The following MEI4 variants were observed in gnomAD, a reference collection of about 807,000 sequenced individuals.
MEI4 encodes meiotic double-stranded break formation protein 4, also known as meiosis-specific protein MEI4.
A neutral mutation model predicts 31.4 loss-of-function variants in MEI4; 27 were observed. The observed-to-expected ratio is 0.86, with a 90% CI of 0.63 to 1.19. The LOEUF (loss-of-function observed/expected upper bound fraction) is 1.19. Ranked by LOEUF, MEI4 falls within the 50% of genes most tolerant of loss-of-function variation. The pLI, the probability that MEI4 is intolerant of heterozygous loss-of-function variation, is 0.00. For synonymous variants in MEI4, 122 were observed against 145.4 expected, an observed-to-expected ratio of 0.84 and a Z score of 1.16; for missense variants, 329 against 398.9, an observed-to-expected ratio of 0.82 and a Z score of 1.49.
intron 4 of MEI4, among the ~76,000 whole-genome samples, chr6:77,852,229 C>T (rs1285262372): frequency 6.6e-6 from 1 of 152,082 alleles, no homozygotes; most frequent in Non-Finnish European, 1.5e-5. Flanking sequence ...ACGAACAAAG[C>T]AAGCAACAGC....
chr6:77,858,539 A>G (rs562556556), intron 4 of MEI4, among the ~76,000 whole-genome samples: 3 of 152,254 alleles, frequency 2.0e-5, no homozygotes, highest in East Asian at 3.9e-4. Flanking sequence ...TGATCCTGCT[A>G]TATCAGATTT....
At chr6:77,883,244 G>T (rs971289815) in intron 4 of MEI4, among the ~76,000 whole-genome samples, 1 of 151,984 alleles carries the variant, frequency 6.6e-6, no homozygotes, top group East Asian at 1.9e-4. Flanking sequence ...GATCTGTAAT[G>T]ATCAAATCAA....
chr6:77,772,256 C>CAAAA lies in MEI4; in HGVS notation c.768+10602_768+10605dup, dbSNP rs58119358. Among the ~76,000 whole-genome samples the CAAAA allele has an allele frequency of 1.3e-3, 184 of 140,380 alleles. 1 individual carries two copies. The highest frequency in any genetic ancestry group is 4.2e-3 in the African/African-American group (163 of 39,154). 92.1% of individuals were successfully genotyped at this position (140,380 alleles called of 152,430 possible). ...AAAGCAAAACCAGACAAAGACACATCAAAAAAAAAAAAAAGAAAACTACAG... is the reference window on the plus strand; with the variant it reads ...AAAGCAAAACCAGACAAAGACACATCAAAAAAAAAAAAAAAAAAGAAAACTACAG... On this transcript the variant is annotated intron_variant, in intron 3 of 4. Coordinates refer to ENST00000684080, the MANE Select transcript of MEI4 (RefSeq NM_001322247.2).
chr6:77,868,715 A>G (rs1331344815), intron 4 of MEI4, among the ~76,000 whole-genome samples: 2 of 151,694 alleles, frequency 1.3e-5, no homozygotes, highest in Non-Finnish European at 2.9e-5. Context: ...TATTTTCCTC[A>G]GAGTTTAAAA....
In MEI4 at chr6:77,712,841, G is replaced by T. The variant is rs971882716; in HGVS notation, c.232+21938G>T. Among the ~76,000 whole-genome samples, 10 of 152,024 alleles carry T rather than the reference G, an allele frequency of 6.6e-5. No homozygotes were observed. The South Asian group carries it at 8.4e-4, about 13-fold the overall frequency. ...AAAAAACTAGCCGGGTGTGGTGGTG[G>T]GCGCCTGTAGTCCCAGCTACTTGGG... On this transcript the variant is annotated intron_variant, in intron 2 of 4. Coordinates refer to ENST00000684080, the MANE Select transcript of MEI4 (RefSeq NM_001322247.2).
At chr6:77,693,293 A>T (rs973182680) in intron 2 of MEI4, among the ~76,000 whole-genome samples, 1 of 152,058 alleles carries the variant, frequency 6.6e-6, no homozygotes, top group Non-Finnish European at 1.5e-5. Flanking sequence ...CTGTATAGTT[A>T]TACAATTAAT....
chr6:77,890,761 T>C (rs1185703322), intron 4 of MEI4, among the ~76,000 whole-genome samples: 1 of 152,078 alleles, frequency 6.6e-6, no homozygotes, highest in East Asian at 1.9e-4. Context: ...CAGTGGGAGG[T>C]AATTGAATCA....
rs1228217372 is a variant in MEI4 at position 77,820,083 on chromosome 6, G to A, written c.769-8848G>A. Among the ~76,000 whole-genome samples the A allele has an allele frequency of 6.6e-6, 1 of 151,686 alleles. No homozygotes were observed. The highest frequency in any genetic ancestry group is 1.5e-5 in the Non-Finnish European group (1 of 67,960). On this transcript the variant is annotated intron_variant, in intron 3 of 4. Coordinates refer to ENST00000684080, the MANE Select transcript of MEI4 (RefSeq NM_001322247.2). The surrounding 1 kb of genome is among the most constrained non-coding windows in gnomAD (Gnocchi z 4.5). The stretch of plus-strand genomic sequence containing the variant: ...TGAATGGTTTTCCTTCTATCACTGT[G>A]TACTTGGCAGTGTCAGTATCAGGAT...
At chr6:77,745,678 C>G (rs1466854309) in intron 2 of MEI4, among the ~76,000 whole-genome samples, 1 of 152,128 alleles carries the variant, frequency 6.6e-6, no homozygotes, top group Non-Finnish European at 1.5e-5. Flanking sequence ...TTTTTTTCAG[C>G]ACCACACCAC....
chr6:77,676,503 G>T (rs905305195), intron 1 of MEI4, among the ~76,000 whole-genome samples: 1 of 151,834 alleles, frequency 6.6e-6, no homozygotes, highest in Admixed American at 6.6e-5. Context: ...CTCCAGCCTG[G>T]GCAATGGAGC....
At chr6:77,658,918 C>G (rs1180623646) in intron 1 of MEI4, among the ~76,000 whole-genome samples, 1 of 151,946 alleles carries the variant, frequency 6.6e-6, no homozygotes, top group Non-Finnish European at 1.5e-5. Flanking sequence ...ATACACCAGG[C>G]CAGATTGATT....
At chr6:77,760,852 T>C (rs541867270) in intron 2 of MEI4, among the ~76,000 whole-genome samples, 1 of 152,302 alleles carries the variant, frequency 6.6e-6, no homozygotes, top group South Asian at 2.1e-4. Context: ...CTCTTCTGCA[T>C]CTTTCAAGCA....
At position 77,736,009 on chromosome 6, in the gene MEI4, G is replaced by A. The variant is rs185407666; in HGVS notation, c.233-25121G>A. On this transcript the variant is annotated intron_variant, in intron 2 of 4. Transcript: ENST00000684080. ...TGCCCGTTCTCAGATCTCCAGCTGC[G>A]TGCTGGGAGAACCACTGCTCTCTTC... Among the ~76,000 whole-genome samples, 441 of 151,840 alleles carry A rather than the reference G, an allele frequency of 2.9e-3. 5 individuals are homozygous for A. The highest frequency in any genetic ancestry group is 6.0e-3 in the African/African-American group (249 of 41,310).
intron 3 of MEI4, among the ~76,000 whole-genome samples, chr6:77,779,384 T>A (rs1239066785): frequency 6.6e-6 from 1 of 152,208 alleles, no homozygotes; most frequent in Non-Finnish European, 1.5e-5. Flanking sequence ...GATAACCAGA[T>A]AATTTAGTAC....
intron 3 of MEI4, among the ~76,000 whole-genome samples, chr6:77,762,454 T>TC (rs577572322): frequency 1.9e-3 from 293 of 152,292 alleles, no homozygotes; most frequent in Middle Eastern, 3.4e-3. Flanking sequence ...CCAAATGGCT[T>TC]CACATTTTAA....
In MEI4 at chr6:77,756,281, A is replaced by C. The variant is rs557394949; in HGVS notation, c.233-4849A>C. Among the ~76,000 whole-genome samples the C allele has an allele frequency of 4.6e-5, 7 of 152,288 alleles. No individual in the cohort carries two copies. The East Asian group carries it at 1.4e-3, about 29-fold the overall frequency. ...TTAATACTAATATTGAAAATATTTA[A>C]TCTTTTCTAAGAAAACTTTTTTTCC... On this transcript the variant is annotated intron_variant, in intron 2 of 4. Transcript: ENST00000684080.
At chr6:77,803,827 A>G (rs539453738) in intron 3 of MEI4, among the ~76,000 whole-genome samples, 1 of 152,004 alleles carries the variant, frequency 6.6e-6, no homozygotes, top group Non-Finnish European at 1.5e-5. Context: ...GATCGTTCCT[A>G]TGGAAGTTTT....
chr6:77,665,036 G>C (rs1768595603), intron 1 of MEI4, among the ~76,000 whole-genome samples: 2 of 151,712 alleles, frequency 1.3e-5, no homozygotes, highest in South Asian at 2.1e-4. Context: ...AGCAAGCCTA[G>C]AGAAGAGAGA....
intron 4 of MEI4, among the ~76,000 whole-genome samples, chr6:77,922,879 C>CAAGA (rs1308186024): frequency 6.6e-6 from 1 of 151,574 alleles, no homozygotes; most frequent in African/African-American, 2.4e-5. Flanking sequence ...CATGAAACAG[C>CAAGA]AAGAAAGAAA....
Sources: gnomAD v4.1 joint callset for allele counts (sites outside exome capture counted in the v4.1 genomes callset) on GRCh38, gnomAD v4.1.1 for gene constraint, Gnocchi (gnomAD v3.1) non-coding constraint, MANE v1.5 for transcripts, NCBI Gene and HGNC (gene_info 2026-07-23, HGNC 2026-07-21) for gene names.